Variants in NPHS2 observed in about 807,000 individuals in gnomAD.
The protein encoded by NPHS2 is NPHS2 stomatin family member, podocin.
NPHS2 carries 36 observed loss-of-function variants against 37.1 expected under a neutral mutation model. The ratio of observed to expected loss-of-function variants is 0.97; its 90% CI spans 0.74 to 1.28. The LOEUF (loss-of-function observed/expected upper bound fraction) is 1.28. NPHS2 is among the 50% of genes most tolerant of loss of function. The pLI, the probability that NPHS2 is intolerant of heterozygous loss-of-function variation, is 0.00. For synonymous variants in NPHS2, 196 were observed against 189.3 expected, an observed-to-expected ratio of 1.04 and a Z score of -0.29; for missense variants, 447 against 488.1, an observed-to-expected ratio of 0.92 and a Z score of 0.79.
chr1:179,554,319 G>T (rs772651090), intron 6 of NPHS2, among the ~76,000 whole-genome samples, 157 bp downstream of exon 6: 2 of 152,136 alleles, frequency 1.3e-5, no homozygotes, highest in Non-Finnish European at 2.9e-5. Context: ...TTGTGTTATG[G>T]CTGTAAGATA....
rs1674620766 is a variant in NPHS2 at position 179,573,040 on chromosome 1, C to T, written c.274+2551G>A. ...AGAGATGGGGTCTCGCTATTTTGCC[C>T]AGGCTGGTCTCAAACTCCAAGCCTC... On this transcript the variant is annotated intron_variant, in intron 1 of 7. Transcript: ENST00000367615. 3.3e-5 allele frequency among the ~76,000 whole-genome samples: 5 copies of T among 152,190 alleles called. No homozygotes were observed. The South Asian group carries it at 1.0e-3, about 32-fold the overall frequency.
intron 1 of NPHS2, among the ~76,000 whole-genome samples, chr1:179,573,721 T>C (rs1674650177): frequency 6.6e-6 from 1 of 152,200 alleles, no homozygotes; most frequent in Non-Finnish European, 1.5e-5. Flanking sequence ...TAAATGCATA[T>C]ACAAAATTAC....
chr1:179,554,688 G>T (rs570529892), intron 5 of NPHS2, 157 bp from the exon 6 acceptor site: 3 of 998,120 alleles, frequency 3.0e-6, no homozygotes, highest in African/African-American at 3.2e-5. Context: ...CTTGCAAAGA[G>T]TTGTTTAACT....
At chr1:179,552,777 T>C in intron 6 of NPHS2, 96 bp from the exon 7 acceptor site, 1 of 920,142 alleles carries the variant, frequency 1.1e-6, no homozygotes, top group Non-Finnish European at 1.8e-6. Flanking sequence ...TGCTGTCTCA[T>C]GATGAGTAGC....
chr1:179,558,334 TTG>T (rs1191123679), intron 4 of NPHS2, among the ~76,000 whole-genome samples: 1 of 151,718 alleles, frequency 6.6e-6, no homozygotes, highest in Non-Finnish European at 1.5e-5. Flanking sequence ...ATACAGTATT[TTG>T]TGTGTGTGTG....
chr1:179,567,373 A>G, intron 1 of NPHS2, among the ~76,000 whole-genome samples: 1 of 151,924 alleles, frequency 6.6e-6, no homozygotes, highest in Non-Finnish European at 1.5e-5. Flanking sequence ...TGTTTTTCTG[A>G]TAATGGTGTA....
intron 5 of NPHS2, chr1:179,554,739 G>A: frequency 1.5e-6 from 1 of 655,502 alleles, no homozygotes. Context: ...AATTGAAGAT[G>A]GTGTGGTATG....
chr1:179,573,332 T>TA (rs1192341478), intron 1 of NPHS2, among the ~76,000 whole-genome samples: 1 of 152,224 alleles, frequency 6.6e-6, no homozygotes, highest in African/African-American at 2.4e-5. Context: ...AAGGCCATCC[T>TA]ACGAAATACT....
At chr1:179,562,439 A>G (rs1417579884) in intron 2 of NPHS2, among the ~76,000 whole-genome samples, 1 of 152,216 alleles carries the variant, frequency 6.6e-6, no homozygotes, top group Non-Finnish European at 1.5e-5. Context: ...GATACATTGT[A>G]AGTATTCAAT....
intron 3 of NPHS2, among the ~76,000 whole-genome samples, chr1:179,560,157 G>T (rs1299593966): frequency 6.6e-6 from 1 of 152,076 alleles, no homozygotes; most frequent in African/African-American, 2.4e-5. Flanking sequence ...ATCCATGAGT[G>T]TACCCAGGTG....
At chr1:179,557,902 C>CA (rs1416769755) in intron 4 of NPHS2, among the ~76,000 whole-genome samples, 1 of 151,900 alleles carries the variant, frequency 6.6e-6, no homozygotes, top group African/African-American at 2.4e-5. Context: ...AGACACATTA[C>CA]AAAACAGTAT....
Position 179,551,367 on chromosome 1 carries a change from G to C in NPHS2, c.958C>G (p.Gln320Glu), listed in dbSNP as rs1321315084. ...TGAAGGGTGTGGAGGTATCGAAGCT[G>C]AACGGCAGCAGGGGTGCCTGACAGA... The part of the protein sequence containing the change: ...EILSGTPAAV[Q>E]LRYLHTLQSL... The change falls in exon 8 of 8, where the codon CAG becomes GAG. Residue 320 changes from glutamine (Q) to glutamate (E), a missense_variant. By Grantham distance (29) the Gln-to-Glu change is conservative. Transcript: ENST00000367615. 1.2e-6 allele frequency: 2 copies of C among 1,614,036 alleles called. No homozygotes were observed. The highest frequency in any genetic ancestry group is 2.7e-5 in the African/African-American group (2 of 74,928).
chr1:179,566,099 G>T (rs1250632063), intron 1 of NPHS2, among the ~76,000 whole-genome samples: 1 of 151,840 alleles, frequency 6.6e-6, no homozygotes, highest in East Asian at 1.9e-4. Context: ...GGGATTGCTG[G>T]GTCAAATGGT....
intron 5 of NPHS2, chr1:179,554,859 G>C (rs906655091): frequency 7.9e-6 from 3 of 381,076 alleles, no homozygotes; most frequent in African/African-American, 2.0e-5. Context: ...TTGAGATGGG[G>C]ATATTATCCT....
intron 5 of NPHS2, among the ~76,000 whole-genome samples, chr1:179,555,540 C>T (rs1253038754): frequency 6.6e-6 from 1 of 152,182 alleles, no homozygotes; most frequent in East Asian, 1.9e-4. Flanking sequence ...AAACAGTAAG[C>T]ATAGTGCATT....
At chr1:179,572,943 C>T in intron 1 of NPHS2, among the ~76,000 whole-genome samples, 1 of 151,992 alleles carries the variant, frequency 6.6e-6, no homozygotes, top group East Asian at 1.9e-4. Flanking sequence ...CAAGCAGTCC[C>T]CCCACCTTAG....
At position 179,575,890 on chromosome 1, in the gene NPHS2, C is replaced by T; in HGVS notation, c.-26G>A. The T allele has an allele frequency of 7.2e-7, 1 of 1,383,148 alleles. No individual in the cohort carries two copies. The highest frequency in any genetic ancestry group is 1.5e-5 in the African/African-American group (1 of 66,144). 85.7% of individuals were successfully genotyped at this position (1,383,148 alleles called of 1,614,324 possible). On this transcript the variant is annotated 5_prime_UTR_variant, in exon 1 of 8. Coordinates refer to ENST00000367615, the MANE Select transcript of NPHS2 (RefSeq NM_014625.4). ...CCTCAGAGCTGCCGGGCGGCTGGAG[C>T]AGCAGCGCGGGAGCGCTAGGGGCAC...
Position 179,551,265 on chromosome 1 carries a change from TG to T in NPHS2, c.1059del (p.Ser354AlafsTer20). On this transcript the variant is annotated frameshift_variant, in exon 8 of 8. Transcript: ENST00000367615. LOFTEE classifies it high-confidence loss of function. Reference protein sequence around the residue: ...PFDLLNCLSSPSNRTQGSLPF... With the variant: ...PFDLLNCLSSXSNRTQGSLPF... ...GGGAGGCTTCCCTGAGTTCTGTTGCTGGGAGAAGACAGGCAATTCAGTAGGT... is the reference window on the plus strand; with the variant it reads ...GGGAGGCTTCCCTGAGTTCTGTTGCTGGAGAAGACAGGCAATTCAGTAGGT... 1 of 1,614,086 alleles carries T rather than the reference TG, an allele frequency of 6.2e-7. No homozygotes were observed. The highest frequency in any genetic ancestry group is 8.5e-7 in the Non-Finnish European group (1 of 1,179,988).
At chr1:179,571,068 A>G (rs148769659) in intron 1 of NPHS2, among the ~76,000 whole-genome samples, 94 of 152,326 alleles carry the variant, frequency 6.2e-4, no homozygotes, top group African/African-American at 2.2e-3. Flanking sequence ...ACTTCTGTCA[A>G]GTCCTCAAAG....
Sources: allele counts gnomAD v4.1 joint callset (sites outside exome capture counted in the v4.1 genomes callset), GRCh38; gene constraint gnomAD v4.1.1; transcripts MANE v1.5; gene names NCBI Gene and HGNC (gene_info 2026-07-23, HGNC 2026-07-21).